TCERG1: variants seen among roughly 807,000 people sequenced by gnomAD.
TCERG1 encodes the protein transcription elongation regulator 1.
Under a neutral mutation model 144.7 loss-of-function variants are expected in TCERG1, and 37 were observed. The observed-to-expected ratio is 0.26, with a 90% confidence interval of 0.20 to 0.34. The LOEUF (loss-of-function observed/expected upper bound fraction) is 0.34. Among genes scored for constraint, TCERG1 ranks in the 10% least tolerant of loss-of-function variants. The pLI is 1.00. For synonymous variants in TCERG1, 492 were observed against 458.2 expected (o/e 1.07, Z -0.94); for missense variants, 1,027 against 1,380.7 (o/e 0.74, Z 4.06).
At chr5:146,463,043 T>G (rs1210174723) in intron 4 of TCERG1, among the ~76,000 whole-genome samples, 1 of 152,222 alleles carries the variant, frequency 6.6e-6, no homozygotes, top group East Asian at 1.9e-4. Flanking sequence ...AGCCTTTTGT[T>G]CAAGGCTTTC....
rs748844699 is a variant in TCERG1 at position 146,463,663 on chromosome 5, G to T, written c.1005G>T (p.Pro335=). 4.3e-6 allele frequency: 7 copies of T among 1,613,962 alleles called. No homozygotes were observed. Among genetic ancestry groups the T allele is most frequent in the Non-Finnish European group, 5.9e-6 (7 of 1,180,002 alleles). The change falls in exon 5 of 23, where the codon CCG becomes CCT. Residue 335 remains proline (P), a synonymous_variant. Coordinates refer to ENST00000679501, the MANE Select transcript of TCERG1 (RefSeq NM_001382548.1). ...CACCTGTGCAAACCGTTCCCCAGCC[G>T]CACCCTCAGACGTTACCTCCTGCTG... ...TATPVQTVPQ[P]HPQTLPPAVP...
At chr5:146,498,824 ATAAT>A (rs1767170384) in intron 17 of TCERG1, 138 bp downstream of exon 17, 17 of 866,576 alleles carry the variant, frequency 2.0e-5, no homozygotes, top group Admixed American at 8.1e-5. Flanking sequence ...GTTAACTTTT[ATAAT>A]TATTTATGTA....
chr5:146,468,875 G>C (rs1188627541), intron 6 of TCERG1, among the ~76,000 whole-genome samples: 1 of 151,608 alleles, frequency 6.6e-6, no homozygotes, highest in African/African-American at 2.4e-5. Context: ...TATAGGATTT[G>C]AGGACTTTTT....
intron 5 of TCERG1, among the ~76,000 whole-genome samples, chr5:146,466,113 C>G (rs916857513): frequency 1.1e-4 from 16 of 150,788 alleles, no homozygotes; most frequent in Non-Finnish European, 1.9e-4. Context: ...TTCTCATTTT[C>G]CCTTTTAACT....
Position 146,458,947 on chromosome 5 carries a change from A to T in TCERG1, c.502A>T (p.Ile168Phe), listed in dbSNP as rs1448639573. ...AWTKPDGVKV[I>F]QQSELTPMLA... is the part of the protein sequence containing the mutation. ...GACCAAGCCAGATGGAGTTAAGGTT[A>T]TTCAGCAATCAGAACTGACACCTAT... The change falls in exon 4 of 23, where the codon ATT (isoleucine) becomes TTT (phenylalanine). Residue 168 changes from isoleucine to phenylalanine, a missense_variant. This residue lies in a region of TCERG1 where 48 missense variants were observed against 80.9 expected (regional missense o/e 0.59). Coordinates refer to ENST00000679501, the MANE Select transcript of TCERG1 (RefSeq NM_001382548.1). 1 of 1,614,240 alleles carries T rather than the reference A, an allele frequency of 6.2e-7. No individual in the cohort carries two copies. Among genetic ancestry groups the T allele is most frequent in the Admixed American group, 1.7e-5 (1 of 60,028 alleles).
At chr5:146,451,718 C>T (rs1218293052) in intron 1 of TCERG1, among the ~76,000 whole-genome samples, 2 of 148,080 alleles carry the variant, frequency 1.4e-5, no homozygotes, top group Non-Finnish European at 3.0e-5. Context: ...TAGTTCTGGA[C>T]TTGTTTACAG....
In TCERG1 at chr5:146,507,479, C is replaced by T. The variant is rs1220773823; in HGVS notation, c.2961+272C>T. 1 of 361,228 alleles carries T rather than the reference C, an allele frequency of 2.8e-6. No individual in the cohort carries two copies. The highest frequency in any genetic ancestry group is 4.9e-6 in the Non-Finnish European group (1 of 204,816). 22.4% of individuals were successfully genotyped at this position (361,228 alleles called of 1,614,324 possible). ...TGATCCCTCCTAATAATAGATTTAG[C>T]AAATTTCTTCTTTTGATCCATTTTC... On this transcript the variant is annotated intron_variant, in intron 20 of 22. Coordinates refer to ENST00000679501, the MANE Select transcript of TCERG1 (RefSeq NM_001382548.1). This position sits in a 1 kb window ranked among gnomAD's most constrained non-coding sequence, Gnocchi z 4.6.
intron 5 of TCERG1, among the ~76,000 whole-genome samples, chr5:146,467,620 C>T (rs1478307117): frequency 6.6e-6 from 1 of 152,090 alleles, no homozygotes; most frequent in Non-Finnish European, 1.5e-5. Context: ...AGCCATCAGC[C>T]CAAGTAGTCA....
chr5:146,480,287 A>G (rs1273471533), intron 12 of TCERG1, 193 bp downstream of exon 12: 3 of 416,730 alleles, frequency 7.2e-6, no homozygotes, highest in Non-Finnish European at 1.3e-5. Context: ...TTTGTAGAAG[A>G]TTTGGGTATT....
At chr5:146,463,101 T>G (rs141412866) in intron 4 of TCERG1, among the ~76,000 whole-genome samples, 1 of 152,334 alleles carries the variant, frequency 6.6e-6, no homozygotes, top group African/African-American at 2.4e-5. Flanking sequence ...CTCACTAGTT[T>G]TGTTGGTATG....
At chr5:146,505,263 C>T (rs1767865653) in intron 19 of TCERG1, among the ~76,000 whole-genome samples, 1 of 152,130 alleles carries the variant, frequency 6.6e-6, no homozygotes, top group East Asian at 1.9e-4. Flanking sequence ...TCTCTCCCTA[C>T]CTCTAACATT....
chr5:146,482,499 T>G, intron 13 of TCERG1, 93 bp from the exon 14 acceptor site: 1 of 1,309,770 alleles, frequency 7.6e-7, no homozygotes, highest in East Asian at 2.5e-5. Context: ...TGCTCAGTAG[T>G]GAGTCTTGAA....
chr5:146,487,091 A>AT (rs945307524), intron 15 of TCERG1, among the ~76,000 whole-genome samples: 2 of 152,024 alleles, frequency 1.3e-5, no homozygotes, highest in Admixed American at 6.6e-5. Flanking sequence ...CTGTCTCAAA[A>AT]AAAAAGAACT....
chr5:146,451,877 T>C (rs528557068), intron 1 of TCERG1, among the ~76,000 whole-genome samples: 41 of 151,908 alleles, frequency 2.7e-4, no homozygotes, highest in African/African-American at 9.9e-4. Flanking sequence ...AACCTCTGCC[T>C]CCTGGGTTTG....
At chr5:146,470,863 G>T in intron 8 of TCERG1, 115 bp downstream of exon 8, 2 of 725,270 alleles carry the variant, frequency 2.8e-6, no homozygotes, top group Non-Finnish European at 4.2e-6. Flanking sequence ...TTTGATCTCT[G>T]AAATTTTAGG....
At chr5:146,505,520 T>G (rs1270736903) in intron 19 of TCERG1, 1 of 152,242 alleles carries the variant, frequency 6.6e-6, no homozygotes, top group Admixed American at 6.5e-5. Flanking sequence ...CTGAACATGC[T>G]TAATGAACCA....
In TCERG1 at chr5:146,503,416, G is replaced by A. The variant is rs758998816; in HGVS notation, c.2475G>A (p.Leu825=). 3 of 1,613,174 alleles carry A rather than the reference G, an allele frequency of 1.9e-6. No individual in the cohort carries two copies. The highest frequency in any genetic ancestry group is 2.5e-6 in the Non-Finnish European group (3 of 1,179,658). The change falls in exon 18 of 23, where the codon TTG becomes TTA. Residue 825 remains leucine, a synonymous_variant. Transcript: ENST00000679501. Reference sequence around the variant, plus strand: ...TTGAACTATTATCTAATCATCACTTGGACAGTCAGTCTCGATGGAGCAAAG... The same window carrying A: ...TTGAACTATTATCTAATCATCACTTAGACAGTCAGTCTCGATGGAGCAAAG... ...DFFELLSNHH[L]DSQSRWSKVK...
At chr5:146,489,496 C>G (rs1252594666) in intron 15 of TCERG1, among the ~76,000 whole-genome samples, 1 of 152,100 alleles carries the variant, frequency 6.6e-6, no homozygotes, top group Non-Finnish European at 1.5e-5. Flanking sequence ...TGTCAACCAT[C>G]TGGGCCACTG....
At chr5:146,479,940 T>G (rs1170198407) in intron 11 of TCERG1, 29 bp downstream of exon 11, 2 of 1,611,678 alleles carry the variant, frequency 1.2e-6, no homozygotes, top group African/African-American at 2.7e-5. Context: ...AATTGCAGCT[T>G]CTTTTTAATA....
Sources: allele counts gnomAD v4.1 joint callset (sites outside exome capture counted in the v4.1 genomes callset), GRCh38; gene constraint gnomAD v4.1.1; regional missense constraint gnomAD v4.1.1; non-coding constraint Gnocchi (gnomAD v3.1); transcripts MANE v1.5; gene names NCBI Gene and HGNC (gene_info 2026-07-23, HGNC 2026-07-21).